The following PCDHA11 variants were observed in gnomAD, a reference collection of about 807,000 sequenced individuals.
PCDHA11 encodes protocadherin alpha-11.
PCDHA11 carries 61 observed loss-of-function variants against 70.3 expected under a neutral mutation model. The ratio of observed to expected loss-of-function variants is 0.87; its 90% CI spans 0.71 to 1.07. PCDHA11 has a LOEUF of 1.07. Ranked by LOEUF, PCDHA11 falls within the 50% of genes least tolerant of loss-of-function variation. The pLI is 0.00. For missense variants in PCDHA11, 1,324 were observed against 1,237.5 expected (o/e 1.07, Z -1.05); for synonymous variants, 633 against 555.1 (o/e 1.14, Z -1.97).
At chr5:140,960,476 A>G (rs900807612) in intron 1 of PCDHA11, among the ~76,000 whole-genome samples, 3 of 152,178 alleles carry the variant, frequency 2.0e-5, no homozygotes, top group South Asian at 2.1e-4. Context: ...TCCTTCTTAC[A>G]CAGAGGTGTA....
chr5:140,933,999 C>T (rs1399268046), intron 1 of PCDHA11, among the ~76,000 whole-genome samples: 2 of 152,050 alleles, frequency 1.3e-5, no homozygotes, highest in South Asian at 2.1e-4. Context: ...TGTCACCTCT[C>T]ATTTTTCTTG....
chr5:140,955,647 T>G (rs1395732517), intron 1 of PCDHA11, among the ~76,000 whole-genome samples: 1 of 152,116 alleles, frequency 6.6e-6, no homozygotes, highest in Non-Finnish European at 1.5e-5. Context: ...AACAAATTAA[T>G]ACACATATGA....
chr5:140,966,934 G>T, intron 1 of PCDHA11: 1 of 1,604,080 alleles, frequency 6.2e-7, no homozygotes, highest in Non-Finnish European at 8.5e-7. Context: ...CACCCGGCGC[G>T]CTCGTGGGCA....
intron 3 of PCDHA11, among the ~76,000 whole-genome samples, chr5:140,992,190 A>C (rs1452489619): frequency 1.3e-5 from 2 of 152,134 alleles, no homozygotes; most frequent in African/African-American, 2.4e-5. Flanking sequence ...GCTTTCAGTG[A>C]TCTATCCAAT....
intron 1 of PCDHA11, among the ~76,000 whole-genome samples, chr5:140,941,941 T>G (rs1461291615): frequency 1.3e-5 from 2 of 152,246 alleles, no homozygotes; most frequent in Admixed American, 1.3e-4. Context: ...TGAATTACTT[T>G]TGTTTTGAAA....
intron 3 of PCDHA11, among the ~76,000 whole-genome samples, chr5:140,995,481 T>C (rs190039428): frequency 5.9e-5 from 9 of 152,308 alleles, no homozygotes; most frequent in Admixed American, 5.9e-4. Context: ...CATTTAATAT[T>C]TTCAGACTAA....
intron 1 of PCDHA11, among the ~76,000 whole-genome samples, chr5:140,924,900 AAAAAATAAAAT>A (rs2082119593): frequency 1.6e-5 from 1 of 63,328 alleles, no homozygotes; most frequent in African/African-American, 5.4e-5. Context: ...GTCTCAAAAA[AAAAAATAAAAT>A]AAAATAAAAT....
At chr5:140,926,840 C>T (rs1427760232) in intron 1 of PCDHA11, 4 of 1,514,378 alleles carry the variant, frequency 2.6e-6, no homozygotes, top group South Asian at 2.7e-5. Flanking sequence ...GAGCATGGTC[C>T]TGGGTCACCG....
At chr5:140,967,535 T>C in intron 1 of PCDHA11, 3 of 1,613,746 alleles carry the variant, frequency 1.9e-6, no homozygotes, top group Non-Finnish European at 2.5e-6. Context: ...CTCTCCTGCC[T>C]TTGACCAGTC....
intron 1 of PCDHA11, chr5:140,875,542 T>G: frequency 6.2e-7 from 1 of 1,614,134 alleles, no homozygotes. Context: ...CCTTGCAGCC[T>G]GGGAGGTGGG....
In PCDHA11 at chr5:140,883,718, G is replaced by A. The variant is rs376943163; in HGVS notation, c.2391+12224G>A. 7 of 1,613,642 alleles carry A rather than the reference G, an allele frequency of 4.3e-6. No homozygotes were observed. The South Asian group carries it at 6.6e-5, about 15-fold the overall frequency. ...CACGGTGTCTGCTCAGGACGCGGAC[G>A]CACAGGAGAACGCGCTGGTCTCCTA... On this transcript the variant is annotated intron_variant, in intron 1 of 3. Transcript: ENST00000398640.
chr5:140,880,416 C>T lies in PCDHA11; in HGVS notation c.2391+8922C>T, dbSNP rs188503917. ...AAGAGCATATGGTTGACCTTAAAAG[C>T]GGGAACAGTTTTTCCTTACAACTAG... On this transcript the variant is annotated intron_variant, in intron 1 of 3. Coordinates refer to ENST00000398640, the MANE Select transcript of PCDHA11 (RefSeq NM_018902.5). Among the ~76,000 whole-genome samples, 429 of 152,140 alleles carry T rather than the reference C, an allele frequency of 2.8e-3. 2 individuals carry two copies. Among genetic ancestry groups the T allele is most frequent in the Middle Eastern group, 0.014 (4 of 294 alleles).
chr5:141,002,166 G>A (rs1212034616), intron 3 of PCDHA11, among the ~76,000 whole-genome samples: 1 of 152,234 alleles, frequency 6.6e-6, no homozygotes, highest in Non-Finnish European at 1.5e-5. Context: ...TGGGCGGTAG[G>A]CAGGCTCCAG....
chr5:140,871,083 C>A lies in PCDHA11; in HGVS notation c.1980C>A (p.Ala660=). Residue 660 remains alanine (A), a synonymous_variant, in exon 1 of 4, where the codon GCC becomes GCA. Transcript: ENST00000398640. Reference sequence around the variant, plus strand: ...ATCACGGTGAGCCGGCGCTGACGGCCACGGCCACCGTGCTGGTGTCGTTGG... The same window carrying A: ...ATCACGGTGAGCCGGCGCTGACGGCAACGGCCACCGTGCTGGTGTCGTTGG... ...VKDHGEPALT[A]TATVLVSLVE... The A allele has an allele frequency of 1.1e-5, 18 of 1,613,186 alleles. No homozygotes were observed. Among genetic ancestry groups the A allele is most frequent in the Non-Finnish European group, 1.4e-5 (17 of 1,179,838 alleles).
At chr5:140,925,114 G>T (rs1341892158) in intron 1 of PCDHA11, among the ~76,000 whole-genome samples, 2 of 151,122 alleles carry the variant, frequency 1.3e-5, no homozygotes, top group East Asian at 3.9e-4. Context: ...AGGAGGGAAG[G>T]AAGGAAGGAA....
chr5:140,923,451 C>T (rs1256990906), intron 1 of PCDHA11, among the ~76,000 whole-genome samples: 2 of 151,914 alleles, frequency 1.3e-5, no homozygotes, highest in African/African-American at 4.8e-5. Context: ...TCACCTGAGC[C>T]CAGAGAGGTA....
chr5:140,872,447 C>T (rs555580142), intron 1 of PCDHA11, among the ~76,000 whole-genome samples: 10 of 152,054 alleles, frequency 6.6e-5, no homozygotes, highest in African/African-American at 2.2e-4. Flanking sequence ...GACAACATAG[C>T]GAGATCCTGT....
intron 1 of PCDHA11, chr5:140,876,229 GA>G: frequency 1.9e-6 from 3 of 1,613,978 alleles, no homozygotes; most frequent in Non-Finnish European, 2.5e-6. Context: ...AGTGTTGTCT[GA>G]AAATGTCCAA....
intron 3 of PCDHA11, among the ~76,000 whole-genome samples, chr5:140,995,012 AGG>A (rs1360435760): frequency 6.6e-6 from 1 of 152,218 alleles, no homozygotes; most frequent in Non-Finnish European, 1.5e-5. Context: ...GTTTATATTT[AGG>A]AAAGAAGATT....
Sources: gnomAD v4.1 joint callset for allele counts (sites outside exome capture counted in the v4.1 genomes callset) on GRCh38, gnomAD v4.1.1 for gene constraint, MANE v1.5 for transcripts, NCBI Gene and HGNC (gene_info 2026-07-23, HGNC 2026-07-21) for gene names.